The following SLC22A7 variants were observed in gnomAD, a reference collection of about 807,000 sequenced individuals.
SLC22A7 encodes solute carrier family 22 member 7, also known as hOAT2.
Under a neutral mutation model 62.2 loss-of-function variants are expected in SLC22A7, and 48 were observed. That is an observed-to-expected ratio of 0.77 (90% CI 0.61 to 0.98). The LOEUF is 0.98. SLC22A7 is among the 50% of genes least tolerant of loss of function. SLC22A7 has a pLI of 0.00. For missense variants in SLC22A7, 581 were observed against 703.8 expected, an observed-to-expected ratio of 0.83 and a Z score of 1.97; for synonymous variants, 276 against 314.8, an observed-to-expected ratio of 0.88 and a Z score of 1.30.
chr6:43,299,613 T>C lies in SLC22A7; in HGVS notation c.504-14T>C. On this transcript the variant is annotated splice_polypyrimidine_tract_variant and intron_variant, in intron 3 of 10. Coordinates refer to ENST00000372585, the MANE Select transcript of SLC22A7 (RefSeq NM_153320.2). This position sits in a 1 kb window ranked among gnomAD's most constrained non-coding sequence, Gnocchi z 4.4. ...CCTTCCACAGGGAACTGACCCTGCA[T>C]GACCCCTTTGCAGGTTTGGGCGGCG... The C allele has an allele frequency of 6.2e-7, 1 of 1,614,212 alleles. No individual in the cohort carries two copies. Among genetic ancestry groups the C allele is most frequent in the Non-Finnish European group, 8.5e-7 (1 of 1,180,026 alleles).
chr6:43,296,882 C>T (rs1778575170), upstream of SLC22A7, among the ~76,000 whole-genome samples: 1 of 152,158 alleles, frequency 6.6e-6, no homozygotes, highest in Admixed American at 6.5e-5. Context: ...TAAATGTTCA[C>T]TGTGGCCAGT....
chr6:43,304,379 G>A, intron 10 of SLC22A7, 135 bp downstream of exon 10: 2 of 785,500 alleles, frequency 2.5e-6, no homozygotes, highest in Non-Finnish European at 3.9e-6. Flanking sequence ...ATGTGTGCGT[G>A]CACAGGTGAG....
chr6:43,299,682 C>T lies in SLC22A7; in HGVS notation c.559C>T (p.Leu187=). 1 of 1,614,182 alleles carries T rather than the reference C, an allele frequency of 6.2e-7. No individual in the cohort carries two copies. Residue 187 remains leucine (L), a synonymous_variant, in exon 4 of 11, where the codon CTG becomes TTG. Coordinates refer to ENST00000372585, the MANE Select transcript of SLC22A7 (RefSeq NM_153320.2). The surrounding 1 kb of genome is among the most constrained non-coding windows in gnomAD (Gnocchi z 4.4). ...CTACGTGAGTACCCTGGTGCTGGGC[C>T]TGGCATCTGCAGCCTCCGTCAGCTA... ...VAYVSTLVLG[L]ASAASVSYVM...
Position 43,302,772 on chromosome 6 carries a change from G to C in SLC22A7, c.1385+9G>C. 6.4e-7 allele frequency: 1 copy of C among 1,567,662 alleles called. No homozygotes were observed. The highest frequency in any genetic ancestry group is 1.3e-5 in the African/African-American group (1 of 74,274). The stretch of plus-strand genomic sequence containing the variant: ...TACCCTACGGTGCTCAGGTGAGGAA[G>C]CCTGCAACTGATCTGGGGGTATGGG... On this transcript the variant is annotated intron_variant, in intron 9 of 10. Coordinates refer to ENST00000372585, the MANE Select transcript of SLC22A7 (RefSeq NM_153320.2). This position sits in a 1 kb window ranked among gnomAD's most constrained non-coding sequence, Gnocchi z 5.0.
upstream of SLC22A7, chr6:43,298,119 C>T: frequency 3.8e-6 from 2 of 530,740 alleles, no homozygotes; most frequent in Non-Finnish European, 6.6e-6. Flanking sequence ...GAGCCAGTGA[C>T]CTCTGAATGG....
chr6:43,299,850 C>T lies in SLC22A7; in HGVS notation c.659-48C>T, dbSNP rs1778673670. On this transcript the variant is annotated intron_variant, in intron 4 of 10. Transcript: ENST00000372585. This position sits in a 1 kb window ranked among gnomAD's most constrained non-coding sequence, Gnocchi z 4.4. ...AGGCAGTTGTCAGAGTGAGGCTGAG[C>T]CCATCTGGTCCTCACTAACCATCTT... is the stretch of plus-strand genomic sequence containing the variant. 3.1e-6 allele frequency: 5 copies of T among 1,613,994 alleles called. No individual in the cohort carries two copies. The highest frequency in any genetic ancestry group is 4.2e-6 in the Non-Finnish European group (5 of 1,179,838).
chr6:43,301,065 G>A, intron 5 of SLC22A7, 70 bp from the exon 6 acceptor site: 4 of 1,597,220 alleles, frequency 2.5e-6, no homozygotes, highest in Non-Finnish European at 8.6e-7. Context: ...TTGAGAGCCT[G>A]TAGTATGTCC....
In SLC22A7 at chr6:43,300,080, G is replaced by C. The variant is rs768409348; in HGVS notation, c.827+14G>C. ...CCTCAGCCTCTGGTGAGGACTGCAG[G>C]CAGCTGGGGAGCGGGAGATACAGGA... is the stretch of plus-strand genomic sequence containing the variant. On this transcript the variant is annotated intron_variant, in intron 5 of 10. Transcript: ENST00000372585. 114 of 1,613,284 alleles carry C rather than the reference G, an allele frequency of 7.1e-5. No homozygotes were observed. Among genetic ancestry groups the C allele is most frequent in the Non-Finnish European group, 8.6e-5 (101 of 1,179,736 alleles).
chr6:43,304,841 G>A lies in SLC22A7; in HGVS notation c.*116G>A, dbSNP rs2150738421. ...GAACCCTCTGCCTAGGGCCGGAGTT[G>A]CTGCCAGTACCCGCTCCCTCTGCTC... On this transcript the variant is annotated 3_prime_UTR_variant, in exon 11 of 11. Coordinates refer to ENST00000372585, the MANE Select transcript of SLC22A7 (RefSeq NM_153320.2). 1.4e-6 allele frequency: 1 copy of A among 738,640 alleles called. No individual in the cohort carries two copies. The highest frequency in any genetic ancestry group is 2.1e-6 in the Non-Finnish European group (1 of 476,818). 45.8% of individuals were successfully genotyped at this position (738,640 alleles called of 1,614,324 possible). A position where few individuals can be genotyped will look rare whatever the true frequency, so the allele number is the denominator to read the frequency against.
chr6:43,298,297 C>T lies in SLC22A7; in HGVS notation c.-62C>T. Reference sequence around the variant, plus strand: ...AGAGTCCAAGGGTCTATGTGGTGGGCAGTTTGAGCTGGCTGGATACTAGAG... The same window carrying T: ...AGAGTCCAAGGGTCTATGTGGTGGGTAGTTTGAGCTGGCTGGATACTAGAG... On this transcript the variant is annotated 5_prime_UTR_variant, in exon 1 of 11. Coordinates refer to ENST00000372585, the MANE Select transcript of SLC22A7 (RefSeq NM_153320.2). The T allele has an allele frequency of 7.1e-7, 1 of 1,415,156 alleles. No individual in the cohort carries two copies. The highest frequency in any genetic ancestry group is 9.7e-7 in the Non-Finnish European group (1 of 1,026,912). 87.7% of individuals were successfully genotyped at this position (1,415,156 alleles called of 1,614,324 possible). A position where few individuals can be genotyped will look rare whatever the true frequency, so the allele number is the denominator to read the frequency against.
At chr6:43,296,402 C>T (rs1307183158), upstream of SLC22A7, among the ~76,000 whole-genome samples, 3 of 152,224 alleles carry the variant, frequency 2.0e-5, no homozygotes, top group African/African-American at 4.8e-5. Flanking sequence ...AGAGTATTAC[C>T]CTGTGGAGCC....
chr6:43,303,258 C>T (rs985861223), intron 9 of SLC22A7: 25 of 566,426 alleles, frequency 4.4e-5, no homozygotes, highest in African/African-American at 4.1e-4. Context: ...GTCAGGAATT[C>T]GAGACCAGCC....
chr6:43,299,633 G>A lies in SLC22A7; in HGVS notation c.510G>A (p.Gly170=). 2 of 1,614,144 alleles carry A rather than the reference G, an allele frequency of 1.2e-6. No individual in the cohort carries two copies. The highest frequency in any genetic ancestry group is 2.2e-5 in the South Asian group (2 of 91,074). The change falls in exon 4 of 11, where the codon GGG becomes GGA. Residue 170 remains glycine, a synonymous_variant. Transcript: ENST00000372585. This position sits in a 1 kb window ranked among gnomAD's most constrained non-coding sequence, Gnocchi z 4.4. The part of the protein sequence containing the change: ...VAFGYLSDRF[G]RRRLLLVAYV... ...CTGCATGACCCCTTTGCAGGTTTGG[G>A]CGGCGGCGTCTGCTGCTGGTAGCCT...
Position 43,304,025 on chromosome 6 carries a change from T to C in SLC22A7, c.1386-13T>C. On this transcript the variant is annotated splice_polypyrimidine_tract_variant and intron_variant, in intron 9 of 10. Transcript: ENST00000372585. ...AACACCATCTGCCTCCCTCATCCTC[T>C]TTCTCTGAACAGACAGACAGGGATG... The C allele has an allele frequency of 6.7e-7, 1 of 1,498,124 alleles. No individual in the cohort carries two copies. The highest frequency in any genetic ancestry group is 2.2e-5 in the Admixed American group (1 of 46,284). 92.8% of individuals were successfully genotyped at this position (1,498,124 alleles called of 1,614,324 possible).
At position 43,302,083 on chromosome 6, in the gene SLC22A7, C is replaced by T. The variant is rs1289472545; in HGVS notation, c.1062-117C>T. The T allele has an allele frequency of 3.1e-5, 28 of 902,682 alleles. No individual in the cohort carries two copies. The highest frequency in any genetic ancestry group is 5.0e-5 in the Admixed American group (2 of 39,662). The allele number at this position is 902,682 out of a possible 1,614,324, so 55.9% of individuals were successfully genotyped here. A position where few individuals can be genotyped will look rare whatever the true frequency, so the allele number is the denominator to read the frequency against. ...TCAGGGAAGGTCCTGGCGGGGGGAC[C>T]GGGGGTTGCAGAGACAGAAGGAGAT... On this transcript the variant is annotated intron_variant, in intron 7 of 10. Coordinates refer to ENST00000372585, the MANE Select transcript of SLC22A7 (RefSeq NM_153320.2). This position sits in a 1 kb window ranked among gnomAD's most constrained non-coding sequence, Gnocchi z 5.0.
chr6:43,299,938 A>T lies in SLC22A7; in HGVS notation c.699A>T (p.Gly233=), dbSNP rs745825493. ...WLDVEHRTVA[G]VLSSTFWTGG... is the part of the protein sequence containing the mutation. ...ATGTGGAGCACCGCACCGTGGCTGG[A>T]GTCCTGAGCAGCACCTTCTGGACAG... Residue 233 remains glycine (G), a synonymous_variant, in exon 5 of 11, where the codon GGA becomes GGT. Coordinates refer to ENST00000372585, the MANE Select transcript of SLC22A7 (RefSeq NM_153320.2). This position sits in a 1 kb window ranked among gnomAD's most constrained non-coding sequence, Gnocchi z 4.4. The T allele has an allele frequency of 6.2e-7, 1 of 1,614,010 alleles. No homozygotes were observed. Among genetic ancestry groups the T allele is most frequent in the African/African-American group, 1.3e-5 (1 of 74,914 alleles).
Position 43,298,948 on chromosome 6 carries a change from C to T in SLC22A7, c.394-144C>T, listed in dbSNP as rs552129500. 133 of 1,119,418 alleles carry T rather than the reference C, an allele frequency of 1.2e-4. 2 individuals are homozygous for T. The highest frequency in any genetic ancestry group is 1.1e-3 in the South Asian group (73 of 64,774). The allele number at this position is 1,119,418 out of a possible 1,614,324, so 69.3% of individuals were successfully genotyped here. Reference sequence around the variant, plus strand: ...CAGGATCCTACACAAGAACTGTTATCATCATCATTAATTGGGAGGTGATTA... The same window carrying T: ...CAGGATCCTACACAAGAACTGTTATTATCATCATTAATTGGGAGGTGATTA... On this transcript the variant is annotated intron_variant, in intron 1 of 10. Transcript: ENST00000372585.
intron 9 of SLC22A7, chr6:43,303,083 A>G: frequency 2.4e-5 from 24 of 982,660 alleles, no homozygotes; most frequent in Non-Finnish European, 2.8e-5. Context: ...TGTTTGCCCT[A>G]GTCTTGGAGA....
rs373180269 is a variant in SLC22A7 at position 43,299,026 on chromosome 6, G to A, written c.394-66G>A. On this transcript the variant is annotated intron_variant, in intron 1 of 10. Coordinates refer to ENST00000372585, the MANE Select transcript of SLC22A7 (RefSeq NM_153320.2). This position sits in a 1 kb window ranked among gnomAD's most constrained non-coding sequence, Gnocchi z 4.4. ...GGGAGTTGAGACAAAGAGCTGAGAA[G>A]GCAATTTCTGCAGCAAGAGGTGGAG... The A allele has an allele frequency of 4.5e-5, 66 of 1,471,830 alleles. 1 individual carries two copies. The highest frequency in any genetic ancestry group is 5.6e-5 in the Non-Finnish European group (61 of 1,085,442). 91.2% of individuals were successfully genotyped at this position (1,471,830 alleles called of 1,614,324 possible).
Sources: allele counts gnomAD v4.1 joint callset (sites outside exome capture counted in the v4.1 genomes callset), GRCh38; gene constraint gnomAD v4.1.1; non-coding constraint Gnocchi (gnomAD v3.1); transcripts MANE v1.5; gene names NCBI Gene and HGNC (gene_info 2026-07-23, HGNC 2026-07-21).